Variants in SH2B3 observed in about 807,000 individuals in gnomAD.
SH2B3 encodes SH2B adapter protein 3.
In SH2B3, 43 loss-of-function variants were observed where a neutral mutation model predicts 51.9. The ratio of observed to expected loss-of-function variants is 0.83; its 90% CI spans 0.65 to 1.07. SH2B3 has a LOEUF of 1.07. SH2B3 is among the 50% of genes least tolerant of loss of function. The pLI is 0.00. For missense variants in SH2B3, 952 were observed against 834.3 expected, an observed-to-expected ratio of 1.14 and a Z score of -1.74; for synonymous variants, 396 against 376.0, an observed-to-expected ratio of 1.05 and a Z score of -0.62.
chr12:111,432,666 C>T (rs2135575202), intron 2 of SH2B3, among the ~76,000 whole-genome samples: 1 of 152,252 alleles, frequency 6.6e-6, no homozygotes, highest in African/African-American at 2.4e-5. Flanking sequence ...ACAGTCACTC[C>T]CCATACCTCC....
intron 2 of SH2B3, among the ~76,000 whole-genome samples, chr12:111,437,556 C>G (rs1872992134): frequency 6.6e-6 from 1 of 152,294 alleles, no homozygotes; most frequent in East Asian, 1.9e-4. Flanking sequence ...TTATCATCCC[C>G]ATTTTACAGG....
chr12:111,406,926 C>G lies in SH2B3; in HGVS notation c.-28+649C>G, dbSNP rs2135528110. Among the ~76,000 whole-genome samples the G allele has an allele frequency of 6.6e-6, 1 of 152,274 alleles. No homozygotes were observed. The highest frequency in any genetic ancestry group is 2.4e-5 in the African/African-American group (1 of 41,562). The stretch of plus-strand genomic sequence containing the variant: ...CCTCTCACACCTCTTGCCTGGGGTT[C>G]CCTGGGAATCCCCCGACCAAAAAAC... On this transcript the variant is annotated intron_variant, in intron 1 of 7. Transcript: ENST00000341259. The surrounding 1 kb of genome is among the most constrained non-coding windows in gnomAD (Gnocchi z 5.7).
At chr12:111,446,610 C>G in intron 2 of SH2B3, 143 bp from the exon 3 acceptor site, 2 of 568,868 alleles carry the variant, frequency 3.5e-6, no homozygotes, top group South Asian at 4.8e-5. Context: ...CTGGACCTCA[C>G]TACAGGCTCA....
Position 111,447,829 on chromosome 12 carries a change from T to TCTGA in SH2B3, c.1408+4_1408+7dup. On this transcript the variant is annotated splice_region_variant and intron_variant, in intron 7 of 7. Coordinates refer to ENST00000341259, the MANE Select transcript of SH2B3 (RefSeq NM_005475.3). Reference sequence around the variant, plus strand: ...TGGTAGTCGTCTCCCAACCACCAGGTCTGACCCTACTGCCCTTTGCTGAAG... The same window carrying TCTGA: ...TGGTAGTCGTCTCCCAACCACCAGGTCTGACTGACCCTACTGCCCTTTGCTGAAG... The TCTGA allele has an allele frequency of 6.2e-7, 1 of 1,613,208 alleles. No homozygotes were observed. Among genetic ancestry groups the TCTGA allele is most frequent in the South Asian group, 1.1e-5 (1 of 90,970 alleles).
Position 111,409,428 on chromosome 12 carries a change from C to T in SH2B3, c.-28+3151C>T, listed in dbSNP as rs1339283529. ...TGGGAAAACGGTCCCCAAGGGCCCGCGGGCGTTCAGCATCTTTGACGAGGC... is the reference window on the plus strand; with the variant it reads ...TGGGAAAACGGTCCCCAAGGGCCCGTGGGCGTTCAGCATCTTTGACGAGGC... On this transcript the variant is annotated intron_variant, in intron 1 of 7. Coordinates refer to ENST00000341259, the MANE Select transcript of SH2B3 (RefSeq NM_005475.3). This position sits in a 1 kb window ranked among gnomAD's most constrained non-coding sequence, Gnocchi z 4.0. 4.6e-5 allele frequency among the ~76,000 whole-genome samples: 7 copies of T among 152,322 alleles called. No individual in the cohort carries two copies. The highest frequency in any genetic ancestry group is 3.9e-4 in the Admixed American group (6 of 15,298).
intron 2 of SH2B3, among the ~76,000 whole-genome samples, chr12:111,424,882 G>A (rs1313418529): frequency 1.3e-5 from 2 of 152,238 alleles, no homozygotes; most frequent in African/African-American, 4.8e-5. Flanking sequence ...CAACCAGTGG[G>A]TGGTGGCGAA....
intron 2 of SH2B3, among the ~76,000 whole-genome samples, chr12:111,430,117 A>G (rs1381859908): frequency 6.6e-6 from 1 of 151,986 alleles, no homozygotes. Flanking sequence ...CTGCCATGTG[A>G]CCCAGGTAGG....
chr12:111,416,333 G>A (rs777658853), intron 1 of SH2B3, among the ~76,000 whole-genome samples: 4 of 152,150 alleles, frequency 2.6e-5, no homozygotes, highest in African/African-American at 7.2e-5. Context: ...CATTTTCTAC[G>A]TTCTAGGGCT....
Position 111,433,687 on chromosome 12 carries a change from T to C in SH2B3, c.733-13066T>C, listed in dbSNP as rs1183224718. 2.0e-5 allele frequency among the ~76,000 whole-genome samples: 3 copies of C among 152,144 alleles called. No homozygotes were observed. The East Asian group carries it at 5.8e-4, about 29-fold the overall frequency. ...AAGTGATCCTCCCACCTCAGCCTCT[T>C]GAGTAGCTAGGATTACAGGCACACA... On this transcript the variant is annotated intron_variant, in intron 2 of 7. Coordinates refer to ENST00000341259, the MANE Select transcript of SH2B3 (RefSeq NM_005475.3).
Position 111,448,236 on chromosome 12 carries a change from C to G in SH2B3, c.1662C>G (p.Asp554Glu). The change falls in exon 8 of 8, where the codon GAC becomes GAG. Residue 554 changes from aspartate to glutamate, a missense_variant. Coordinates refer to ENST00000341259, the MANE Select transcript of SH2B3 (RefSeq NM_005475.3). ...CTGTGAATCGAGCCCGGGACTCGGA[C>G]TACGAAATGGACTCATCCTCCCGGA... ...HEPVNRARDSDYEMDSSSRSH... is the reference protein window; with the variant it reads ...HEPVNRARDSEYEMDSSSRSH... 6.2e-7 allele frequency: 1 copy of G among 1,614,160 alleles called. No individual in the cohort carries two copies. The highest frequency in any genetic ancestry group is 8.5e-7 in the Non-Finnish European group (1 of 1,180,022).
At chr12:111,430,993 T>C (rs1482000134) in intron 2 of SH2B3, among the ~76,000 whole-genome samples, 1 of 135,466 alleles carries the variant, frequency 7.4e-6, no homozygotes. Flanking sequence ...CTGATTGCGC[T>C]AGAAGAGGTC....
At chr12:111,405,737 A>C (rs1347157593), upstream of SH2B3, among the ~76,000 whole-genome samples, 7 of 152,174 alleles carry the variant, frequency 4.6e-5, no homozygotes, top group African/African-American at 1.7e-4. The surrounding 1 kb of genome is among the most constrained non-coding windows in gnomAD (Gnocchi z 5.4). Flanking sequence ...CGACCCTGGC[A>C]GCCGCGGACT....
In SH2B3 at chr12:111,447,988, T is replaced by C. The variant is rs1874203321; in HGVS notation, c.1414T>C (p.Cys472Arg). ...CTCTTGGTCACTTGTCCTAGGTTCC[T>C]GCAACACGGTCCTCTTCCCTTTCTC... is the stretch of plus-strand genomic sequence containing the variant. ...VVVVSQPPGS[C>R]NTVLFPFSLP... is the part of the protein sequence containing the mutation. Residue 472 changes from cysteine to arginine, a missense_variant, in exon 8 of 8, where the codon TGC becomes CGC. Physicochemically the swap from Cys to Arg is radical, Grantham distance 180. Coordinates refer to ENST00000341259, the MANE Select transcript of SH2B3 (RefSeq NM_005475.3). 1 of 1,606,272 alleles carries C rather than the reference T, an allele frequency of 6.2e-7. No homozygotes were observed. Among genetic ancestry groups the C allele is most frequent in the Admixed American group, 1.7e-5 (1 of 59,668 alleles).
chr12:111,448,335 C>G lies in SH2B3; in HGVS notation c.*33C>G, dbSNP rs778472777. On this transcript the variant is annotated 3_prime_UTR_variant, in exon 8 of 8. Coordinates refer to ENST00000341259, the MANE Select transcript of SH2B3 (RefSeq NM_005475.3). ...GGAATTCCAGGCCTCAACAGCTGCC[C>G]TTGAGGAGCACAGGCAGAAGTGTGA... is the stretch of plus-strand genomic sequence containing the variant. 1 of 1,452,634 alleles carries G rather than the reference C, an allele frequency of 6.9e-7. No individual in the cohort carries two copies. Among genetic ancestry groups the G allele is most frequent in the South Asian group, 1.2e-5 (1 of 82,726 alleles). The allele number at this position is 1,452,634 out of a possible 1,614,324, so 90.0% of individuals were successfully genotyped here. A position where few individuals can be genotyped will look rare whatever the true frequency, so the allele number is the denominator to read the frequency against.
At chr12:111,425,600 T>C (rs1871933162) in intron 2 of SH2B3, among the ~76,000 whole-genome samples, 1 of 152,222 alleles carries the variant, frequency 6.6e-6, no homozygotes, top group East Asian at 1.9e-4. Context: ...CAGAGGCCCT[T>C]GTGGGCCACA....
rs770748289 is a variant in SH2B3 at position 111,418,604 on chromosome 12, G to T, written c.459G>T (p.Glu153Asp). Residue 153 changes from glutamate to aspartate, a missense_variant, in exon 2 of 8, where the codon GAG becomes GAT. Glu to Asp is a conservative substitution (Grantham distance 45, BLOSUM62 2). Coordinates refer to ENST00000341259, the MANE Select transcript of SH2B3 (RefSeq NM_005475.3). The surrounding 1 kb of genome is among the most constrained non-coding windows in gnomAD (Gnocchi z 6.7). The part of the protein sequence containing the change: ...RHIFRRRSAG[E>D]LPAAHTAAAP... Reference sequence around the variant, plus strand: ...TCTTCCGCCGCCGCTCGGCCGGGGAGCTGCCAGCGGCCCACACCGCTGCCG... The same window carrying T: ...TCTTCCGCCGCCGCTCGGCCGGGGATCTGCCAGCGGCCCACACCGCTGCCG... 7.4e-6 allele frequency: 11 copies of T among 1,489,700 alleles called. No homozygotes were observed. In the East Asian group the frequency reaches 2.6e-4, roughly 35 times the overall value. 92.3% of individuals were successfully genotyped at this position (1,489,700 alleles called of 1,614,324 possible).
rs1416067054 is a variant in SH2B3 at position 111,447,773 on chromosome 12, G to A, written c.1354G>A (p.Ala452Thr). The part of the protein sequence containing the change: ...QRSPIPLECG[A>T]ACDVRLSSYV... ...CTCGCCCATCCCACTCGAGTGCGGC[G>A]CCGCCTGTGATGTCCGGCTCTCCAG... The change falls in exon 7 of 8, where the codon GCC (alanine) becomes ACC (threonine). Residue 452 changes from alanine (A) to threonine (T), a missense_variant. By Grantham distance (58) the Ala-to-Thr change is moderately conservative. Coordinates refer to ENST00000341259, the MANE Select transcript of SH2B3 (RefSeq NM_005475.3). 9.9e-6 allele frequency: 16 copies of A among 1,613,994 alleles called. No homozygotes were observed. The highest frequency in any genetic ancestry group is 2.2e-5 in the East Asian group (1 of 44,888).
intron 2 of SH2B3, among the ~76,000 whole-genome samples, chr12:111,431,329 T>A (rs776040540): frequency 2.2e-4 from 34 of 152,152 alleles, no homozygotes; most frequent in Non-Finnish European, 4.3e-4. Flanking sequence ...AACCTCTCTC[T>A]AGGGAACCAC....
At position 111,447,339 on chromosome 12, in the gene SH2B3, C is replaced by T. The variant is rs147318193; in HGVS notation, c.1031C>T (p.Pro344Leu). Residue 344 changes from proline to leucine, a missense_variant, in exon 6 of 8, where the codon CCT (proline) becomes CTT (leucine). Coordinates refer to ENST00000341259, the MANE Select transcript of SH2B3 (RefSeq NM_005475.3). The stretch of plus-strand genomic sequence containing the variant: ...CCATCTTATCTAACAGGTGCTTCTC[C>T]TGGGGGGCTGCTGGACCCGGCCTGC... ...STDSLNQGAS[P>L]GGLLDPACQK... is the part of the protein sequence containing the mutation. The T allele has an allele frequency of 2.9e-4, 474 of 1,613,862 alleles. 3 individuals carry two copies. In the African/African-American group the frequency reaches 5.5e-3, roughly 19 times the overall value.
Sources: gnomAD v4.1 joint callset for allele counts (sites outside exome capture counted in the v4.1 genomes callset) on GRCh38, gnomAD v4.1.1 for gene constraint, Gnocchi (gnomAD v3.1) non-coding constraint, MANE v1.5 for transcripts, NCBI Gene and HGNC (gene_info 2026-07-23, HGNC 2026-07-21) for gene names.